The following DCUN1D1 variants were observed in gnomAD, a reference collection of about 807,000 sequenced individuals.
The protein encoded by DCUN1D1 is defective in cullin neddylation 1 domain containing 1.
Under a neutral mutation model 39.0 loss-of-function variants are expected in DCUN1D1, and 3 were observed. The observed-to-expected ratio is 0.08, with a 90% CI of 0.04 to 0.20. The LOEUF (loss-of-function observed/expected upper bound fraction) is 0.20. DCUN1D1 is among the 10% of genes least tolerant of loss of function. The pLI, the probability that DCUN1D1 is intolerant of heterozygous loss-of-function variation, is 1.00. For synonymous variants in DCUN1D1, 82 were observed against 96.3 expected (o/e 0.85, Z 0.87); for missense variants, 158 against 302.4 (o/e 0.52, Z 3.54).
At chr3:182,957,497 C>T (rs755871673) in intron 4 of DCUN1D1, among the ~76,000 whole-genome samples, 11 of 152,042 alleles carry the variant, frequency 7.2e-5, no homozygotes, top group Non-Finnish European at 1.6e-4. Context: ...CATGGTGGCA[C>T]ACGCCTGTAG....
chr3:182,958,212 C>A (rs1450645179), intron 4 of DCUN1D1, among the ~76,000 whole-genome samples: 1 of 151,710 alleles, frequency 6.6e-6, no homozygotes, highest in Non-Finnish European at 1.5e-5. Flanking sequence ...TGATACCTAA[C>A]ACCAAAGCAA....
intron 1 of DCUN1D1, among the ~76,000 whole-genome samples, chr3:182,968,459 A>C (rs1310265699): frequency 6.6e-6 from 1 of 152,216 alleles, no homozygotes; most frequent in Non-Finnish European, 1.5e-5. Context: ...TCAAAAAGTA[A>C]GATAATAGAA....
intron 2 of DCUN1D1, among the ~76,000 whole-genome samples, chr3:182,964,744 G>C (rs1260465668): frequency 6.7e-6 from 1 of 148,364 alleles, no homozygotes; most frequent in African/African-American, 2.5e-5. Context: ...AGGTTCAAGT[G>C]ATTCTTCTGC....
At chr3:182,978,205 G>C (rs1485923752) in intron 1 of DCUN1D1, among the ~76,000 whole-genome samples, 1 of 150,958 alleles carries the variant, frequency 6.6e-6, no homozygotes, top group Admixed American at 6.6e-5. Context: ...GTTTGCTCTA[G>C]AACTGACAAT....
intron 4 of DCUN1D1, among the ~76,000 whole-genome samples, chr3:182,949,854 C>T (rs1231409085): frequency 6.6e-6 from 1 of 152,206 alleles, no homozygotes. Context: ...AACTAGCAGA[C>T]TGAAATACAC....
At chr3:182,954,844 G>A (rs944102735) in intron 4 of DCUN1D1, among the ~76,000 whole-genome samples, 4 of 152,126 alleles carry the variant, frequency 2.6e-5, no homozygotes, top group Admixed American at 1.3e-4. Context: ...TTTACATGAG[G>A]TGGTTCCTTT....
intron 1 of DCUN1D1, among the ~76,000 whole-genome samples, chr3:182,974,270 A>G (rs940876840): frequency 2.0e-5 from 3 of 152,222 alleles, no homozygotes; most frequent in Non-Finnish European, 2.9e-5. Context: ...ACAAAAAACA[A>G]AAGTTATTTT....
intron 1 of DCUN1D1, among the ~76,000 whole-genome samples, chr3:182,969,711 A>G (rs1413767226): frequency 3.3e-5 from 5 of 152,244 alleles, no homozygotes; most frequent in Non-Finnish European, 7.3e-5. Flanking sequence ...TGCATAAAAC[A>G]GAATATATTT....
chr3:182,964,200 A>C (rs1727547651), intron 2 of DCUN1D1, 151 bp from the exon 3 acceptor site: 2 of 587,232 alleles, frequency 3.4e-6, no homozygotes, highest in South Asian at 4.9e-5. Context: ...CTTTCCCATT[A>C]TTTAAAGCCA....
intron 4 of DCUN1D1, among the ~76,000 whole-genome samples, chr3:182,960,127 C>A (rs1429580069): frequency 2.0e-5 from 3 of 152,146 alleles, no homozygotes; most frequent in Middle Eastern, 3.2e-3. Context: ...ACAAAATGGA[C>A]TTACATACAA....
intron 1 of DCUN1D1, among the ~76,000 whole-genome samples, chr3:182,968,889 C>T (rs969949899): frequency 1.3e-5 from 2 of 152,150 alleles, no homozygotes; most frequent in South Asian, 2.1e-4. Context: ...CATGAGCCAC[C>T]GCGCCAGGCC....
At chr3:182,979,000 G>T (rs1282632498) in intron 1 of DCUN1D1, among the ~76,000 whole-genome samples, 1 of 152,124 alleles carries the variant, frequency 6.6e-6, no homozygotes, top group Non-Finnish European at 1.5e-5. Flanking sequence ...GTTTCCCAGG[G>T]AATTAACGTC....
intron 3 of DCUN1D1, 104 bp downstream of exon 3, chr3:182,963,777 A>C (rs959163597): frequency 3.1e-5 from 31 of 1,013,042 alleles, no homozygotes; most frequent in Non-Finnish European, 4.3e-5. Flanking sequence ...TATTTATACC[A>C]ATGTTTGTGG....
intron 1 of DCUN1D1, among the ~76,000 whole-genome samples, chr3:182,967,012 CAGA>C (rs1727700619): frequency 6.6e-6 from 1 of 152,020 alleles, no homozygotes; most frequent in Non-Finnish European, 1.5e-5. Flanking sequence ...GAGGCTGAGG[CAGA>C]AGAACTGCTT....
At chr3:182,951,692 ATTTCTTTTTTTTTTTTT>A (rs1726760191) in intron 4 of DCUN1D1, among the ~76,000 whole-genome samples, 1 of 141,688 alleles carries the variant, frequency 7.1e-6, no homozygotes, top group South Asian at 2.2e-4. Flanking sequence ...AAAGAAGATA[ATTTCTTTTTTTTTTTTT>A]TTTTGAGACG....
intron 1 of DCUN1D1, among the ~76,000 whole-genome samples, chr3:182,967,674 T>A (rs1727740394): frequency 6.6e-6 from 1 of 152,186 alleles, no homozygotes; most frequent in African/African-American, 2.4e-5. Context: ...CATCTGCACA[T>A]CAGATAAGTC....
chr3:182,945,060 C>A lies in DCUN1D1; in HGVS notation c.*34G>T. Reference sequence around the variant, plus strand: ...GCAATTTTCTGTTGTATTTATTGTACAGACTATGTACATTCTAGAAGGTTC... The same window carrying A: ...GCAATTTTCTGTTGTATTTATTGTAAAGACTATGTACATTCTAGAAGGTTC... On this transcript the variant is annotated 3_prime_UTR_variant, in exon 7 of 7. Transcript: ENST00000292782. 4 of 1,557,414 alleles carry A rather than the reference C, an allele frequency of 2.6e-6. No homozygotes were observed. Among genetic ancestry groups the A allele is most frequent in the Non-Finnish European group, 3.5e-6 (4 of 1,131,826 alleles).
Position 182,963,870 on chromosome 3 carries a change from T to C in DCUN1D1, c.389+11A>G. 1 of 1,586,686 alleles carries C rather than the reference T, an allele frequency of 6.3e-7. No individual in the cohort carries two copies. The highest frequency in any genetic ancestry group is 8.6e-7 in the Non-Finnish European group (1 of 1,161,244). On this transcript the variant is annotated intron_variant, in intron 3 of 6. Transcript: ENST00000292782. Reference sequence around the variant, plus strand: ...AACATATCTAATTTCCTATTGTAATTATATACTCACCCTAATTCTGTCATG... The same window carrying C: ...AACATATCTAATTTCCTATTGTAATCATATACTCACCCTAATTCTGTCATG...
At chr3:182,959,709 C>T (rs1727285948) in intron 4 of DCUN1D1, among the ~76,000 whole-genome samples, 2 of 152,072 alleles carry the variant, frequency 1.3e-5, no homozygotes, top group South Asian at 2.1e-4. Flanking sequence ...TTAAATGAGG[C>T]AGTGCTATGG....
Sources: allele counts gnomAD v4.1 joint callset (sites outside exome capture counted in the v4.1 genomes callset), GRCh38; gene constraint gnomAD v4.1.1; transcripts MANE v1.5; gene names NCBI Gene and HGNC (gene_info 2026-07-23, HGNC 2026-07-21).